HS6ST2: variants seen among roughly 807,000 people sequenced by gnomAD.
HS6ST2 encodes the protein heparan-sulfate 6-O-sulfotransferase 2.
In HS6ST2, 17 loss-of-function variants were observed where a neutral mutation model predicts 33.0. The ratio of observed to expected loss-of-function variants is 0.52; its 90% confidence interval spans 0.35 to 0.77. The LOEUF (loss-of-function observed/expected upper bound fraction) is 0.77. Ranked by LOEUF, HS6ST2 falls within the 30% of genes least tolerant of loss-of-function variation. HS6ST2 has a pLI of 0.01. For missense variants in HS6ST2, 519 were observed against 551.7 expected, an observed-to-expected ratio of 0.94 and a Z score of 0.59; for synonymous variants, 248 against 237.1, an observed-to-expected ratio of 1.05 and a Z score of -0.42.
At position 132,857,480 on chromosome X, in the gene HS6ST2, T is replaced by A. The variant is rs190580136; in HGVS notation, c.947+99328A>T. On this transcript the variant is annotated intron_variant, in intron 2 of 4. Transcript: ENST00000370833. Reference sequence around the variant, plus strand: ...GCCTGGGCGACAGAGTGAGACTCTGTCTCAAAAAAAAAAAGAAAAAAAAAA... The same window carrying A: ...GCCTGGGCGACAGAGTGAGACTCTGACTCAAAAAAAAAAAGAAAAAAAAAA... Among the ~76,000 whole-genome samples the A allele has an allele frequency of 2.8e-4, 29 of 102,102 alleles. No homozygotes were observed. In the East Asian group the frequency reaches 8.1e-3, roughly 29 times the overall value. The allele number at this position is 102,102 out of a possible 115,157, so 88.7% of individuals were successfully genotyped here.
In HS6ST2 at chrX:132,673,837, G is replaced by A. The variant is rs1261355474; in HGVS notation, c.981-4638C>T. On this transcript the variant is annotated intron_variant, in intron 3 of 4. Transcript: ENST00000370833. ...TTTTCAATCGTGGTTGTTTCCCCAT[G>A]AAAACTTGCTTTTCTCTTTTCTAAG... Among the ~76,000 whole-genome samples, 9 of 111,798 alleles carry A rather than the reference G, an allele frequency of 8.1e-5. No individual in the cohort carries two copies. The Admixed American group carries it at 8.5e-4, about 11-fold the overall frequency.
chrX:132,772,597 T>C (rs1602659811), intron 2 of HS6ST2, among the ~76,000 whole-genome samples: 1 of 102,910 alleles, frequency 9.7e-6, no homozygotes, highest in Non-Finnish European at 1.9e-5. Context: ...TATATAATGA[T>C]ATTGTACACA....
intron 2 of HS6ST2, among the ~76,000 whole-genome samples, chrX:132,713,167 G>C (rs1602601516): frequency 9.0e-6 from 1 of 111,426 alleles, no homozygotes; most frequent in African/African-American, 3.3e-5. Flanking sequence ...CCTATCAGAG[G>C]AGAAACCAAC....
chrX:132,646,223 A>G, intron 4 of HS6ST2, among the ~76,000 whole-genome samples: 1 of 112,181 alleles, frequency 8.9e-6, no homozygotes, highest in East Asian at 2.8e-4. Flanking sequence ...TCCCCAACAC[A>G]GTTGGCCAGC....
At chrX:132,668,327 C>T (rs1396114193) in intron 4 of HS6ST2, 6 of 110,809 alleles carry the variant, frequency 5.4e-5, no homozygotes, top group Non-Finnish European at 1.1e-4. Flanking sequence ...CAATGCCCCA[C>T]ACCCTGGAGA....
chrX:132,865,341 T>G (rs2065961746), intron 2 of HS6ST2, among the ~76,000 whole-genome samples: 2 of 110,889 alleles, frequency 1.8e-5, no homozygotes, highest in African/African-American at 6.6e-5. Flanking sequence ...TATTCCATGG[T>G]GTATATGTGC....
rs979501598 is a variant in HS6ST2 at position 132,790,507 on chromosome X, T to G, written c.948-82013A>C. On this transcript the variant is annotated intron_variant, in intron 2 of 4. Coordinates refer to ENST00000370833, the MANE Select transcript of HS6ST2 (RefSeq NM_001394073.1). ...GGGTGGTCTGGAACGAAACCCGCAG[T>G]ATCTCTAAGATATGCCTGTATTCAA... Among the ~76,000 whole-genome samples, 18 of 112,072 alleles carry G rather than the reference T, an allele frequency of 1.6e-4. No individual in the cohort carries two copies. The Admixed American group carries it at 1.7e-3, about 11-fold the overall frequency.
intron 2 of HS6ST2, among the ~76,000 whole-genome samples, chrX:132,751,417 G>A (rs1269149241): frequency 1.8e-5 from 2 of 112,096 alleles, no homozygotes. Context: ...TCTCAGGACT[G>A]CACCTGGGAA....
intron 2 of HS6ST2, among the ~76,000 whole-genome samples, chrX:132,816,831 T>G (rs543741966): frequency 9.0e-6 from 1 of 111,722 alleles, no homozygotes; most frequent in Admixed American, 9.6e-5. Flanking sequence ...AGCTGGGTTC[T>G]GTGCCTCAGT....
chrX:132,926,091 T>C (rs1400553856), intron 2 of HS6ST2, among the ~76,000 whole-genome samples: 4 of 112,629 alleles, frequency 3.6e-5, no homozygotes, highest in Admixed American at 2.8e-4. Context: ...ATTTGACTGG[T>C]TAGAGATAAT....
At chrX:132,742,011 C>T (rs974802318) in intron 2 of HS6ST2, among the ~76,000 whole-genome samples, 1 of 112,114 alleles carries the variant, frequency 8.9e-6, no homozygotes, top group Non-Finnish European at 1.9e-5. Context: ...TTGGTAGGTG[C>T]TATTCATGGC....
chrX:132,907,229 G>T (rs1016548867), intron 2 of HS6ST2: 1 of 112,164 alleles, frequency 8.9e-6, no homozygotes, highest in Non-Finnish European at 1.9e-5. Flanking sequence ...GTGCTATCTA[G>T]GGGTACAGTA....
chrX:132,664,302 C>T (rs1410122915), intron 4 of HS6ST2, among the ~76,000 whole-genome samples: 1 of 112,314 alleles, frequency 8.9e-6, no homozygotes, highest in South Asian at 3.7e-4. Context: ...AGCCACCACG[C>T]CCAGCCTTCA....
Position 132,628,238 on chromosome X carries a change from T to C in HS6ST2, c.1923A>G (p.Val641=). 8.6e-7 allele frequency: 1 copy of C among 1,162,589 alleles called. No homozygotes were observed. Among genetic ancestry groups the C allele is most frequent in the Non-Finnish European group, 1.2e-6 (1 of 868,867 alleles). Residue 641 remains valine (V), a synonymous_variant, in exon 5 of 5, where the codon GTA becomes GTG. Coordinates refer to ENST00000370833, the MANE Select transcript of HS6ST2 (RefSeq NM_001394073.1). The stretch of plus-strand genomic sequence containing the variant: ...TTTGAGCCATTTAACGCCATTTCTC[T>C]ACACTGCCTATGTAGTCGTTGGTGC... ...SNGTNDYIGS[V]EKWR
At chrX:132,702,411 G>T (rs2064152453) in intron 3 of HS6ST2, among the ~76,000 whole-genome samples, 1 of 112,257 alleles carries the variant, frequency 8.9e-6, no homozygotes, top group Non-Finnish European at 1.9e-5. Flanking sequence ...ACAGGGAAGA[G>T]CGTGAACATG....
intron 3 of HS6ST2, among the ~76,000 whole-genome samples, chrX:132,699,797 C>T (rs1300781789): frequency 8.9e-6 from 1 of 111,780 alleles, no homozygotes; most frequent in African/African-American, 3.2e-5. Flanking sequence ...GCTTTTATTC[C>T]TTTTCATGCA....
intron 2 of HS6ST2, among the ~76,000 whole-genome samples, chrX:132,828,720 A>G (rs1411735224): frequency 5.4e-4 from 49 of 91,405 alleles, no homozygotes; most frequent in Non-Finnish European, 6.2e-4. Flanking sequence ...ACACACACAC[A>G]CACACACACA....
At chrX:132,844,197 T>A (rs891709540) in intron 2 of HS6ST2, among the ~76,000 whole-genome samples, 5 of 111,065 alleles carry the variant, frequency 4.5e-5, no homozygotes, top group Admixed American at 2.9e-4. Context: ...CCTGGACTCA[T>A]CCTATAGAAA....
At chrX:132,852,501 CAATT>C (rs1158082070) in intron 2 of HS6ST2, among the ~76,000 whole-genome samples, 2 of 112,110 alleles carry the variant, frequency 1.8e-5, no homozygotes, top group African/African-American at 6.5e-5. Flanking sequence ...TTGGGCTAAA[CAATT>C]CTATATCAGA....
Sources: gnomAD v4.1 joint callset for allele counts (sites outside exome capture counted in the v4.1 genomes callset) on GRCh38, gnomAD v4.1.1 for gene constraint, MANE v1.5 for transcripts, NCBI Gene and HGNC (gene_info 2026-07-23, HGNC 2026-07-21) for gene names.